The following SNX17 variants were observed in gnomAD, a reference collection of about 807,000 sequenced individuals.
The protein encoded by SNX17 is sorting nexin 17.
In SNX17, 35 loss-of-function variants were observed where a neutral mutation model predicts 64.3. The observed-to-expected ratio is 0.54, with a 90% confidence interval of 0.42 to 0.72. The LOEUF (loss-of-function observed/expected upper bound fraction) is 0.72, where lower values mean the gene tolerates loss of function less well. Among genes scored for constraint, SNX17 ranks in the 30% least tolerant of loss-of-function variants. The pLI is 0.00. For synonymous variants in SNX17, 259 were observed against 230.2 expected (o/e 1.13, Z -1.13); for missense variants, 538 against 610.0 (o/e 0.88, Z 1.24).
Position 27,376,652 on chromosome 2 carries a change from C to G in SNX17, c.1346C>G (p.Thr449Arg). Residue 449 changes from threonine (T) to arginine (R), a missense_variant, in exon 15 of 15, where the codon ACA (threonine) becomes AGA (arginine). Coordinates refer to ENST00000233575, the MANE Select transcript of SNX17 (RefSeq NM_014748.4). ...VSLRGIGSPS[T>R]DASASDVHGN... ...TTGCGGGGAATTGGCAGTCCCAGCA[C>G]AGATGCCAGTGCCAGTGATGTCCAC... 1 of 1,614,200 alleles carries G rather than the reference C, an allele frequency of 6.2e-7. No homozygotes were observed. The highest frequency in any genetic ancestry group is 8.5e-7 in the Non-Finnish European group (1 of 1,180,030).
rs764740811 is a variant in SNX17, at chr2:27,376,162, A to G, written c.1161A>G (p.Lys387=). The G allele has an allele frequency of 1.2e-6, 2 of 1,614,092 alleles. No homozygotes were observed. Among genetic ancestry groups the G allele is most frequent in the Admixed American group, 1.7e-5 (1 of 60,022 alleles). ...TGGTTGATGAACTGATGGTGAAGAA[A>G]TCTGGCGGCAGTATCAGGAAGGTAG... The part of the protein sequence containing the change: ...QSMVDELMVK[K]SGGSIRKMLR... Residue 387 remains lysine, a synonymous_variant, in exon 12 of 15, where the codon AAA becomes AAG. Transcript: ENST00000233575.
intron 3 of SNX17, 134 bp from the exon 4 acceptor site, chr2:27,373,113 G>A: frequency 6.3e-7 from 1 of 1,582,934 alleles, no homozygotes. Context: ...CAGTGAGTGA[G>A]GTGAGGCCAG....
At position 27,376,165 on chromosome 2, in the gene SNX17, T is replaced by G. The variant is rs754281198; in HGVS notation, c.1164T>G (p.Ser388=). The part of the protein sequence containing the change: ...SMVDELMVKK[S]GGSIRKMLRR... ...TTGATGAACTGATGGTGAAGAAATC[T>G]GGCGGCAGTATCAGGAAGGTAGGCA... The change falls in exon 12 of 15, where the codon TCT becomes TCG. Residue 388 remains serine (S), a synonymous_variant. Coordinates refer to ENST00000233575, the MANE Select transcript of SNX17 (RefSeq NM_014748.4). 12 of 1,614,140 alleles carry G rather than the reference T, an allele frequency of 7.4e-6. No individual in the cohort carries two copies. The Admixed American group carries it at 2.0e-4, about 27-fold the overall frequency.
In SNX17 at chr2:27,377,391, G is replaced by T; in HGVS notation, c.*672G>T. 1 of 825,066 alleles carries T rather than the reference G, an allele frequency of 1.2e-6. No homozygotes were observed. Among genetic ancestry groups the T allele is most frequent in the Non-Finnish European group, 2.0e-6 (1 of 496,884 alleles). The allele number at this position is 825,066 out of a possible 1,614,324, so 51.1% of individuals were successfully genotyped here. A position where few individuals can be genotyped will look rare whatever the true frequency, so the allele number is the denominator to read the frequency against. The stretch of plus-strand genomic sequence containing the variant: ...GAGCTCGTGAAGTGCCTCAGTCAAG[G>T]CAAGGTCCCCTGGTCCATATGGGCC... On this transcript the variant is annotated 3_prime_UTR_variant, in exon 15 of 15. Transcript: ENST00000233575. The surrounding 1 kb of genome is among the most constrained non-coding windows in gnomAD (Gnocchi z 4.4).
Position 27,370,641 on chromosome 2 carries a change from G to A in SNX17, c.-103G>A. ...CATCGGATCGCAGGGCTCCCAAAAT[G>A]GCGAGTGAGGCTGCGGGGACTCGCT... is the stretch of plus-strand genomic sequence containing the variant. On this transcript the variant is annotated 5_prime_UTR_variant, in exon 1 of 15. An upstream start codon of the reference 5' UTR is lost. Transcript: ENST00000233575. 2.1e-6 allele frequency: 3 copies of A among 1,461,070 alleles called. No individual in the cohort carries two copies. Among genetic ancestry groups the A allele is most frequent in the African/African-American group, 2.8e-5 (2 of 70,500 alleles). 90.5% of individuals were successfully genotyped at this position (1,461,070 alleles called of 1,614,324 possible). A position where few individuals can be genotyped will look rare whatever the true frequency, so the allele number is the denominator to read the frequency against.
In SNX17 at chr2:27,371,746, C is replaced by A. The variant is rs114862813; in HGVS notation, c.138+403C>A. On this transcript the variant is annotated intron_variant, in intron 2 of 14. Transcript: ENST00000233575. ...CGATTTCCTTTTGTGTTCTTCGGCT[C>A]ATTTCAGTGTGTTTAGCTGTGCCAA... 2.3e-5 allele frequency: 4 copies of A among 173,502 alleles called. No homozygotes were observed. The South Asian group carries it at 4.8e-4, about 21-fold the overall frequency. 10.7% of individuals were successfully genotyped at this position (173,502 alleles called of 1,614,324 possible).
intron 2 of SNX17, chr2:27,371,561 C>A: frequency 9.8e-7 from 1 of 1,016,262 alleles, no homozygotes; most frequent in Non-Finnish European, 1.3e-6. Context: ...TTCTTATATT[C>A]TGGTTTTCTG....
intron 4 of SNX17, 97 bp downstream of exon 4, chr2:27,373,408 G>C: frequency 1.6e-6 from 2 of 1,272,756 alleles, no homozygotes; most frequent in Non-Finnish European, 2.3e-6. Flanking sequence ...TTTTGCACAG[G>C]CTGGAGTGCA....
Position 27,375,069 on chromosome 2 carries a change from A to G in SNX17, c.690A>G (p.Ser230=). Residue 230 remains serine (S), a synonymous_variant, in exon 9 of 15, where the codon TCA becomes TCG. Transcript: ENST00000233575. The surrounding 1 kb of genome is among the most constrained non-coding windows in gnomAD (Gnocchi z 4.1). The part of the protein sequence containing the change: ...GLNLLYAQTV[S]DIERGWILVT... Reference sequence around the variant, plus strand: ...CCTTGTCTCTACTATAGACGGTATCAGATATTGAGCGTGGGTGGATCTTGG... The same window carrying G: ...CCTTGTCTCTACTATAGACGGTATCGGATATTGAGCGTGGGTGGATCTTGG... 1 of 1,614,094 alleles carries G rather than the reference A, an allele frequency of 6.2e-7. No individual in the cohort carries two copies. The highest frequency in any genetic ancestry group is 8.5e-7 in the Non-Finnish European group (1 of 1,179,956).
chr2:27,374,461 G>A (rs755233771), intron 7 of SNX17, 28 bp downstream of exon 7: 3 of 1,578,506 alleles, frequency 1.9e-6, no homozygotes, highest in Admixed American at 3.3e-5. Flanking sequence ...AAGGGGAGGG[G>A]TGGGAGGTGC....
rs562063271 is a variant in SNX17 at position 27,377,457 on chromosome 2, G to A, written c.*738G>A. 2.2e-5 allele frequency: 31 copies of A among 1,440,500 alleles called. 1 individual carries two copies. The highest frequency in any genetic ancestry group is 2.0e-4 in the South Asian group (17 of 86,548). 89.2% of individuals were successfully genotyped at this position (1,440,500 alleles called of 1,614,324 possible). A position where few individuals can be genotyped will look rare whatever the true frequency, so the allele number is the denominator to read the frequency against. On this transcript the variant is annotated 3_prime_UTR_variant, in exon 15 of 15. Coordinates refer to ENST00000233575, the MANE Select transcript of SNX17 (RefSeq NM_014748.4). This position sits in a 1 kb window ranked among gnomAD's most constrained non-coding sequence, Gnocchi z 4.4. ...TTGGGCTGGTCCTTATAGTGCCTAC[G>A]TTAGTCTGTGTGGAGCCCCTGGCCA... is the stretch of plus-strand genomic sequence containing the variant.
rs758657705 is a variant in SNX17, at chr2:27,375,869, G to A, written c.1002G>A (p.Thr334=). Residue 334 remains threonine, a synonymous_variant, in exon 11 of 15, where the codon ACG becomes ACA. Transcript: ENST00000233575. This position sits in a 1 kb window ranked among gnomAD's most constrained non-coding sequence, Gnocchi z 4.1. The part of the protein sequence containing the change: ...TSSVPLPSGS[T]SSPGRGRGEV... ...AGGTACCATTGCCCAGTGGAAGCAC[G>A]AGCAGCCCAGGCCGGGGCCGGGGTG... 1.3e-5 allele frequency: 21 copies of A among 1,614,094 alleles called. No homozygotes were observed. In the Admixed American group the frequency reaches 2.3e-4, roughly 18 times the overall value.
chr2:27,372,861 CT>C, intron 3 of SNX17, 121 bp downstream of exon 3: 1 of 1,383,382 alleles, frequency 7.2e-7, no homozygotes, highest in Non-Finnish European at 1.0e-6. Context: ...CTTGTTTGAT[CT>C]GTTATGCAGT....
In SNX17 at chr2:27,376,934, G is replaced by A. The variant is rs1446253397; in HGVS notation, c.*215G>A. Reference sequence around the variant, plus strand: ...CCTTCTCTTTTCAGAGCTGGCCCTCGATGCCAAATTAGCATTTAGTATTTT... The same window carrying A: ...CCTTCTCTTTTCAGAGCTGGCCCTCAATGCCAAATTAGCATTTAGTATTTT... On this transcript the variant is annotated 3_prime_UTR_variant, in exon 15 of 15. Coordinates refer to ENST00000233575, the MANE Select transcript of SNX17 (RefSeq NM_014748.4). The A allele has an allele frequency of 3.8e-5, 22 of 580,488 alleles. No homozygotes were observed. The highest frequency in any genetic ancestry group is 2.9e-4 in the South Asian group (14 of 48,960). The allele number at this position is 580,488 out of a possible 1,614,324, so 36.0% of individuals were successfully genotyped here.
Position 27,376,330 on chromosome 2 carries a change from G to A in SNX17, c.1200G>A (p.Val400=), listed in dbSNP as rs143667368. 1.8e-5 allele frequency: 29 copies of A among 1,611,394 alleles called. No individual in the cohort carries two copies. The Admixed American group carries it at 4.0e-4, about 22-fold the overall frequency. ...GTCCCCAGATGCTGCGCCGGCGGGT[G>A]GGGGGTACTCTGAGACGCTCAGACA... ...GSIRKMLRRR[V]GGTLRRSDSQ... The change falls in exon 13 of 15, where the codon GTG becomes GTA. Residue 400 remains valine (V), a synonymous_variant. Transcript: ENST00000233575.
Position 27,377,501 on chromosome 2 carries a change from G to A in SNX17, c.*782G>A. The A allele has an allele frequency of 6.2e-7, 1 of 1,604,224 alleles. No individual in the cohort carries two copies. The highest frequency in any genetic ancestry group is 1.7e-5 in the Admixed American group (1 of 60,004). On this transcript the variant is annotated 3_prime_UTR_variant, in exon 15 of 15. Transcript: ENST00000233575. This position sits in a 1 kb window ranked among gnomAD's most constrained non-coding sequence, Gnocchi z 4.4. ...CTGGCCAGCGGGGGAGAAAAAGGTG[G>A]CTTCTGGTCCGTCTGTATAAAACAT...
rs1254398340 is a variant in SNX17, at chr2:27,376,604, A to G, written c.1300-2A>G. 6.2e-7 allele frequency: 1 copy of G among 1,614,036 alleles called. No individual in the cohort carries two copies. Among genetic ancestry groups the G allele is most frequent in the African/African-American group, 1.3e-5 (1 of 74,920 alleles). On this transcript the variant is annotated splice_acceptor_variant, in intron 14 of 14. Transcript: ENST00000233575. LOFTEE classifies it high-confidence loss of function. ...TCTGACCCCACCCTGCCTTTGTTAC[A>G]GAGTAAGCTGAGTGCCGTGAGCTTG...
chr2:27,376,940 A>T lies in SNX17; in HGVS notation c.*221A>T. The T allele has an allele frequency of 1.7e-6, 1 of 572,454 alleles. No homozygotes were observed. Among genetic ancestry groups the T allele is most frequent in the East Asian group, 2.9e-5 (1 of 34,084 alleles). 35.5% of individuals were successfully genotyped at this position (572,454 alleles called of 1,614,324 possible). A position where few individuals can be genotyped will look rare whatever the true frequency, so the allele number is the denominator to read the frequency against. On this transcript the variant is annotated 3_prime_UTR_variant, in exon 15 of 15. Transcript: ENST00000233575. ...CTTTTCAGAGCTGGCCCTCGATGCC[A>T]AATTAGCATTTAGTATTTTGCACAA...
At chr2:27,372,986 G>GA in intron 3 of SNX17, 1 of 1,472,816 alleles carries the variant, frequency 6.8e-7, no homozygotes, top group South Asian at 1.2e-5. Flanking sequence ...TCAGTGGAGA[G>GA]AACTTAATTT....
Sources: allele counts gnomAD v4.1 joint callset, GRCh38; gene constraint gnomAD v4.1.1; non-coding constraint Gnocchi (gnomAD v3.1); transcripts MANE v1.5; gene names NCBI Gene and HGNC (gene_info 2026-07-23, HGNC 2026-07-21).